Variants in SCHIP1 observed in about 807,000 individuals in gnomAD.
SCHIP1 encodes schwannomin-interacting protein 1.
A neutral mutation model predicts 29.7 loss-of-function variants in SCHIP1; 8 were observed. The ratio of observed to expected loss-of-function variants is 0.27; its 90% confidence interval spans 0.16 to 0.49. SCHIP1 has a LOEUF of 0.49. Among genes scored for constraint, SCHIP1 ranks in the 20% least tolerant of loss-of-function variants. The pLI is 0.99. For missense variants in SCHIP1, 193 were observed against 294.6 expected, an observed-to-expected ratio of 0.66 and a Z score of 2.52; for synonymous variants, 76 against 94.9, an observed-to-expected ratio of 0.80 and a Z score of 1.16.
the SCHIP1 span, among the ~76,000 whole-genome samples, chr3:159,413,009 C>T: frequency 2.2e-3 from 333 of 152,252 alleles, 4 homozygotes; most frequent in Admixed American, 0.017. Context: ...AGGAAACTTA[C>T]GATCATGACG....
chr3:159,677,324 G>A, the SCHIP1 span, among the ~76,000 whole-genome samples: 1 of 152,152 alleles, frequency 6.6e-6, no homozygotes, highest in Non-Finnish European at 1.5e-5. Flanking sequence ...AGTGGAGGGG[G>A]GCTGTTGATG....
chr3:159,498,263 G>A, the SCHIP1 span, among the ~76,000 whole-genome samples: 1 of 152,154 alleles, frequency 6.6e-6, no homozygotes, highest in Admixed American at 6.5e-5. Context: ...CAAAGGGGAA[G>A]TAAACTCATT....
the SCHIP1 span, among the ~76,000 whole-genome samples, chr3:159,494,278 C>T: frequency 1.3e-5 from 2 of 152,060 alleles, no homozygotes; most frequent in Non-Finnish European, 2.9e-5. Flanking sequence ...GAAATAGAGA[C>T]ACAAAAAACT....
chr3:159,871,301 C>G (rs954579820), intron 2 of SCHIP1, among the ~76,000 whole-genome samples: 1 of 135,926 alleles, frequency 7.4e-6, no homozygotes, highest in Non-Finnish European at 1.5e-5. Flanking sequence ...TAAACGTTCT[C>G]GTACCCATCA....
chr3:159,334,886 T>TTCC, the SCHIP1 span, among the ~76,000 whole-genome samples: 5 of 138,784 alleles, frequency 3.6e-5, no homozygotes, highest in South Asian at 9.1e-4. Context: ...TTTCTTTTTC[T>TTCC]TCTTCTTCTT....
At chr3:159,606,341 T>C in the SCHIP1 span, among the ~76,000 whole-genome samples, 1 of 152,140 alleles carries the variant, frequency 6.6e-6, no homozygotes, top group South Asian at 2.1e-4. Flanking sequence ...ACAGTACCAA[T>C]TCAACTTAAT....
the SCHIP1 span, among the ~76,000 whole-genome samples, chr3:159,717,428 A>C: frequency 1.3e-5 from 2 of 152,248 alleles, no homozygotes; most frequent in African/African-American, 4.8e-5. Context: ...CAAAAAAATC[A>C]ATGAATCCAG....
chr3:159,610,205 C>T, the SCHIP1 span, among the ~76,000 whole-genome samples: 14 of 152,322 alleles, frequency 9.2e-5, no homozygotes, highest in East Asian at 2.7e-3. Flanking sequence ...CTCTCCTCTG[C>T]ACCCAACTTC....
At chr3:159,438,867 C>T in the SCHIP1 span, among the ~76,000 whole-genome samples, 4 of 152,186 alleles carry the variant, frequency 2.6e-5, no homozygotes, top group Admixed American at 6.5e-5. Context: ...ATATGTACCA[C>T]ATTTTCTCTA....
chr3:159,750,296 TACACACAC>T, the SCHIP1 span, among the ~76,000 whole-genome samples: 471 of 132,738 alleles, frequency 3.5e-3, 7 homozygotes, highest in Admixed American at 0.018. Flanking sequence ...TATATATATA[TACACACAC>T]ACACACACAC....
the SCHIP1 span, among the ~76,000 whole-genome samples, chr3:159,311,818 T>G: frequency 6.6e-6 from 1 of 152,210 alleles, no homozygotes; most frequent in Non-Finnish European, 1.5e-5. Flanking sequence ...ATTTATTTTC[T>G]TATTTATGTC....
At chr3:159,459,447 A>G in the SCHIP1 span, among the ~76,000 whole-genome samples, 1 of 152,178 alleles carries the variant, frequency 6.6e-6, no homozygotes, top group African/African-American at 2.4e-5. Context: ...TAGGTGCCCA[A>G]ATCTAAGGGG....
At chr3:159,730,853 A>G in the SCHIP1 span, among the ~76,000 whole-genome samples, 1 of 152,208 alleles carries the variant, frequency 6.6e-6, no homozygotes, top group Non-Finnish European at 1.5e-5. Flanking sequence ...TATTTTATTC[A>G]TAAAACTATC....
the SCHIP1 span, among the ~76,000 whole-genome samples, chr3:159,517,300 C>A: frequency 6.6e-6 from 1 of 152,106 alleles, no homozygotes; most frequent in Non-Finnish European, 1.5e-5. Context: ...AAACTTAAAG[C>A]TGAGTTGGCA....
intron 2 of SCHIP1, among the ~76,000 whole-genome samples, chr3:159,875,855 G>A (rs1715749117): frequency 6.6e-6 from 1 of 152,156 alleles, no homozygotes; most frequent in African/African-American, 2.4e-5. Context: ...CTACTCAGGA[G>A]GCTGAGATGG....
At chr3:159,814,672 T>G in the SCHIP1 span, among the ~76,000 whole-genome samples, 1 of 152,216 alleles carries the variant, frequency 6.6e-6, no homozygotes, top group Admixed American at 6.5e-5. Flanking sequence ...GTTTGTAAAG[T>G]GGGTGTGTAG....
chr3:159,746,955 T>C, the SCHIP1 span, among the ~76,000 whole-genome samples: 1 of 152,194 alleles, frequency 6.6e-6, no homozygotes, highest in African/African-American at 2.4e-5. Flanking sequence ...TAAACACCTC[T>C]CCAATACCTT....
chr3:159,579,921 A>T, the SCHIP1 span, among the ~76,000 whole-genome samples: 2 of 152,306 alleles, frequency 1.3e-5, no homozygotes, highest in African/African-American at 2.4e-5. Context: ...AAAAAAATTT[A>T]AAAAATGAAA....
chr3:159,744,808 T>C, the SCHIP1 span, among the ~76,000 whole-genome samples: 17 of 151,952 alleles, frequency 1.1e-4, no homozygotes, highest in African/African-American at 4.1e-4. Flanking sequence ...AAACCTCACC[T>C]CTACTAAAAA....
Sources: gnomAD v4.1 joint callset for allele counts (sites outside exome capture counted in the v4.1 genomes callset) on GRCh38, gnomAD v4.1.1 for gene constraint, MANE v1.5 for transcripts, NCBI Gene and HGNC (gene_info 2026-07-23, HGNC 2026-07-21) for gene names.